The following STK24 variants were observed in gnomAD, a reference collection of about 807,000 sequenced individuals.
STK24 encodes serine/threonine-protein kinase 24.
STK24 carries 21 observed loss-of-function variants against 55.6 expected under a neutral mutation model. The ratio of observed to expected loss-of-function variants is 0.38; its 90% confidence interval spans 0.27 to 0.54. The LOEUF is 0.54. Ranked by LOEUF, STK24 falls within the 20% of genes least tolerant of loss-of-function variation. The probability of loss-of-function intolerance (pLI) is 0.79; values close to 1 mark genes in which losing one functional copy is unlikely to be tolerated. For missense variants in STK24, 383 were observed against 538.4 expected (o/e 0.71, Z 2.86); for synonymous variants, 200 against 215.2 (o/e 0.93, Z 0.62).
chr13:98,462,824 C>T (rs1426780061), intron 7 of STK24, among the ~76,000 whole-genome samples: 2 of 152,182 alleles, frequency 1.3e-5, no homozygotes, highest in South Asian at 2.1e-4. Context: ...CCTGGTGCCA[C>T]GCTGCCCCAG....
intron 5 of STK24, among the ~76,000 whole-genome samples, chr13:98,472,750 G>A (rs1894200451): frequency 6.6e-6 from 1 of 152,150 alleles, no homozygotes; most frequent in African/African-American, 2.4e-5. Context: ...CTTGGTACCA[G>A]GCAACCTCTT....
rs1355383245 is a variant in STK24, at chr13:98,454,313, G to GGT, written c.1260-1106_1260-1105dup. The GGT allele has an allele frequency of 3.3e-5, 5 of 152,106 alleles. No individual in the cohort carries two copies. The East Asian group carries it at 9.6e-4, about 29-fold the overall frequency. 9.4% of individuals were successfully genotyped at this position (152,106 alleles called of 1,614,324 possible). ...AGAAGACAACAAAGGGTGAGAACGG[G>GGT]GTCCCCTCATGACCACAATTCCCTC... On this transcript the variant is annotated intron_variant, in intron 10 of 10. Transcript: ENST00000539966.
rs1594666948 is a variant in STK24, at chr13:98,555,644, C to T, written c.42+21101G>A. On this transcript the variant is annotated intron_variant, in intron 1 of 10. Coordinates refer to ENST00000539966, the MANE Select transcript of STK24 (RefSeq NM_001032296.4). ...ACAGAAAACTCCTGATTGGTTTTAACCAATTAAAAACGTCCTACACATATC... is the reference window on the plus strand; with the variant it reads ...ACAGAAAACTCCTGATTGGTTTTAATCAATTAAAAACGTCCTACACATATC... 4.0e-5 allele frequency among the ~76,000 whole-genome samples: 6 copies of T among 151,322 alleles called. No homozygotes were observed. In the East Asian group the frequency reaches 1.2e-3, roughly 30 times the overall value.
chr13:98,504,163 ATT>A (rs1895595686), intron 2 of STK24, among the ~76,000 whole-genome samples: 1 of 152,110 alleles, frequency 6.6e-6, no homozygotes, highest in South Asian at 2.1e-4. Context: ...ACAAATGAAA[ATT>A]TCTCTTCTCT....
At chr13:98,493,502 T>TC (rs1486064385) in intron 2 of STK24, among the ~76,000 whole-genome samples, 1 of 152,098 alleles carries the variant, frequency 6.6e-6, no homozygotes, top group East Asian at 1.9e-4. Flanking sequence ...TTTTCTTTCC[T>TC]CCCCATCCAT....
intron 1 of STK24, among the ~76,000 whole-genome samples, chr13:98,564,874 CTAAAAA>C (rs1448266444): frequency 6.6e-6 from 1 of 152,114 alleles, no homozygotes; most frequent in Non-Finnish European, 1.5e-5. Flanking sequence ...ATTCCCATTT[CTAAAAA>C]TAAAAATAAG....
chr13:98,563,771 A>T (rs1806979109), intron 1 of STK24, among the ~76,000 whole-genome samples: 1 of 151,912 alleles, frequency 6.6e-6, no homozygotes, highest in South Asian at 2.1e-4. Flanking sequence ...GAGGCAGGAG[A>T]ATGGCATGAA....
At chr13:98,564,559 A>G (rs1897517761) in intron 1 of STK24, among the ~76,000 whole-genome samples, 1 of 152,204 alleles carries the variant, frequency 6.6e-6, no homozygotes, top group Non-Finnish European at 1.5e-5. Context: ...TGGGTACTAA[A>G]AAAGGCCCTG....
At chr13:98,521,087 G>A (rs1896244640) in intron 1 of STK24, among the ~76,000 whole-genome samples, 1 of 152,210 alleles carries the variant, frequency 6.6e-6, no homozygotes, top group Admixed American at 6.5e-5. Flanking sequence ...GAAGGTCATG[G>A]CCAGCGTAAT....
At chr13:98,475,426 G>T in intron 3 of STK24, 68 bp from the exon 4 acceptor site, 2 of 1,104,702 alleles carry the variant, frequency 1.8e-6, no homozygotes, top group Non-Finnish European at 1.3e-6. Context: ...AGATAAAACA[G>T]AAACACTATC....
At chr13:98,502,889 T>C (rs75447898) in intron 2 of STK24, among the ~76,000 whole-genome samples, 442 of 152,308 alleles carry the variant, frequency 2.9e-3, no homozygotes, top group Non-Finnish European at 4.7e-3. Flanking sequence ...TCTTTGGATA[T>C]GTGAAATTCC....
intron 3 of STK24, among the ~76,000 whole-genome samples, chr13:98,481,173 T>C (rs1475624882): frequency 6.6e-6 from 1 of 152,252 alleles, no homozygotes; most frequent in Admixed American, 6.5e-5. Flanking sequence ...CAGCAAGTGC[T>C]AAACAGCTGC....
chr13:98,501,104 C>G (rs914520438), intron 2 of STK24, among the ~76,000 whole-genome samples: 2 of 152,186 alleles, frequency 1.3e-5, no homozygotes, highest in Non-Finnish European at 2.9e-5. Context: ...ATTATTTACA[C>G]CTCTTATGTG....
At chr13:98,511,484 T>C (rs145720273) in intron 2 of STK24, among the ~76,000 whole-genome samples, 320 of 152,332 alleles carry the variant, frequency 2.1e-3, no homozygotes, top group African/African-American at 7.0e-3. Flanking sequence ...CTTATGTTCA[T>C]ACCAAAAAAG....
chr13:98,576,289 G>T, intron 1 of STK24: 1 of 905,432 alleles, frequency 1.1e-6, no homozygotes, highest in Non-Finnish European at 1.3e-6. Flanking sequence ...CAGGTCTCCC[G>T]CCCGCCTGCC....
intron 3 of STK24, among the ~76,000 whole-genome samples, chr13:98,475,686 A>G (rs1219377327): frequency 1.3e-5 from 2 of 151,970 alleles, no homozygotes; most frequent in African/African-American, 4.8e-5. Flanking sequence ...GCGCAGGCTG[A>G]GCCAATGAGG....
intron 2 of STK24, among the ~76,000 whole-genome samples, chr13:98,489,021 G>T (rs1894916789): frequency 6.6e-6 from 1 of 152,214 alleles, no homozygotes; most frequent in African/African-American, 2.4e-5. Context: ...TTAAGAGCGT[G>T]AGTTTTTGTA....
At chr13:98,572,057 G>T (rs1286036391) in intron 1 of STK24, among the ~76,000 whole-genome samples, 1 of 152,144 alleles carries the variant, frequency 6.6e-6, no homozygotes, top group African/African-American at 2.4e-5. Context: ...CTCCAGGACC[G>T]ATCTAGATCT....
At chr13:98,575,741 GGC>G (rs1897873175) in intron 1 of STK24, among the ~76,000 whole-genome samples, 1 of 152,090 alleles carries the variant, frequency 6.6e-6, no homozygotes, top group South Asian at 2.1e-4. Flanking sequence ...CAGCTAAACT[GGC>G]AGAGCAAACT....
Sources: gnomAD v4.1 joint callset for allele counts (sites outside exome capture counted in the v4.1 genomes callset) on GRCh38, gnomAD v4.1.1 for gene constraint, MANE v1.5 for transcripts, NCBI Gene and HGNC (gene_info 2026-07-23, HGNC 2026-07-21) for gene names.